The following PALM2AKAP2 variants were observed in gnomAD, a reference collection of about 807,000 sequenced individuals.
The protein encoded by PALM2AKAP2 is PALM2-AKAP2 fusion protein.
PALM2AKAP2 carries 37 observed loss-of-function variants against 71.5 expected under a neutral mutation model. The ratio of observed to expected loss-of-function variants is 0.52; its 90% CI spans 0.40 to 0.68. The LOEUF (loss-of-function observed/expected upper bound fraction) is 0.68, where lower values mean the gene tolerates loss of function less well. Among genes scored for constraint, PALM2AKAP2 ranks in the 30% least tolerant of loss-of-function variants. The probability of loss-of-function intolerance (pLI) is 0.00; values close to 1 mark genes in which losing one functional copy is unlikely to be tolerated. For synonymous variants in PALM2AKAP2, 468 were observed against 478.8 expected, an observed-to-expected ratio of 0.98 and a Z score of 0.29; for missense variants, 1,224 against 1,191.8, an observed-to-expected ratio of 1.03 and a Z score of -0.40.
chr9:109,880,814 A>G, intron 3 of PALM2AKAP2, 133 bp downstream of exon 3: 5 of 1,329,552 alleles, frequency 3.8e-6, no homozygotes, highest in Non-Finnish European at 4.9e-6. Context: ...AACAAAGCAC[A>G]TTGATGTTGT....
rs76448414 is a variant in PALM2AKAP2, at chr9:109,757,779, T to C, written c.6-22709T>C. Reference sequence around the variant, plus strand: ...GGTTCACCAAAAATGTATAGGCTTGTCTATGGTCATAAGACTTAGTGATAG... The same window carrying C: ...GGTTCACCAAAAATGTATAGGCTTGCCTATGGTCATAAGACTTAGTGATAG... On this transcript the variant is annotated intron_variant, in intron 1 of 6. Coordinates refer to the PALM2AKAP2 transcript ENST00000374531. Among the ~76,000 whole-genome samples the C allele has an allele frequency of 4.1e-3, 628 of 152,188 alleles. 4 individuals are homozygous for C. The highest frequency in any genetic ancestry group is 0.014 in the African/African-American group (597 of 41,540).
At chr9:109,992,952 T>TAGAGAG (rs572808154) in intron 6 of PALM2AKAP2, among the ~76,000 whole-genome samples, 8 of 144,488 alleles carry the variant, frequency 5.5e-5, no homozygotes, top group Non-Finnish European at 7.6e-5. Context: ...TATATATATA[T>TAGAGAG]ATAGAGAGAG....
chr9:109,725,624 A>G (rs150839074), intron 1 of PALM2AKAP2, among the ~76,000 whole-genome samples: 3 of 152,340 alleles, frequency 2.0e-5, no homozygotes, highest in African/African-American at 7.2e-5. Context: ...AGTATGATAT[A>G]TTTGTACGCT....
chr9:110,086,272 G>T (rs777177788), intron 1 of PALM2AKAP2, among the ~76,000 whole-genome samples: 2 of 152,192 alleles, frequency 1.3e-5, no homozygotes, highest in East Asian at 3.9e-4. Context: ...AGGTAAAAAT[G>T]GATTAAAATA....
chr9:110,125,907 G>A (rs1257779751), intron 1 of PALM2AKAP2, among the ~76,000 whole-genome samples: 3 of 152,114 alleles, frequency 2.0e-5, no homozygotes, highest in Non-Finnish European at 2.9e-5. Context: ...TTTGAAGATG[G>A]TGCAAGTGTG....
chr9:109,660,317 G>C (rs1161407499), intron 1 of PALM2AKAP2, among the ~76,000 whole-genome samples: 1 of 152,070 alleles, frequency 6.6e-6, no homozygotes, highest in South Asian at 2.1e-4. Context: ...ATTTACATTA[G>C]GTATTTCTCC....
intron 6 of PALM2AKAP2, among the ~76,000 whole-genome samples, chr9:110,014,800 AAAAATGTATATATAT>A (rs1375547101): frequency 0.015 from 761 of 51,634 alleles, 67 homozygotes; most frequent in African/African-American, 0.052. Context: ...AAAAAAAAAA[AAAAATGTATATATAT>A]ATATATATAT....
At chr9:109,650,306 G>A (rs534209905) in intron 1 of PALM2AKAP2, among the ~76,000 whole-genome samples, 58 of 151,872 alleles carry the variant, frequency 3.8e-4, no homozygotes, top group Non-Finnish European at 4.4e-5. Flanking sequence ...ACCTTTTAGG[G>A]TTGTCCACTG....
At chr9:109,832,345 G>A (rs183004777) in intron 1 of PALM2AKAP2, among the ~76,000 whole-genome samples, 1 of 152,284 alleles carries the variant, frequency 6.6e-6, no homozygotes, top group Admixed American at 6.5e-5. Flanking sequence ...CTGTAAAATG[G>A]CAATGACAAT....
chr9:109,973,217 G>A (rs1332270300), intron 6 of PALM2AKAP2, among the ~76,000 whole-genome samples: 2 of 152,198 alleles, frequency 1.3e-5, no homozygotes, highest in East Asian at 3.8e-4. Context: ...CAGTTGATCT[G>A]GTAGAAACTT....
At chr9:109,937,114 G>C (rs1350032712) in intron 6 of PALM2AKAP2, among the ~76,000 whole-genome samples, 1 of 152,188 alleles carries the variant, frequency 6.6e-6, no homozygotes, top group East Asian at 1.9e-4. Context: ...AAAGGTGAAG[G>C]CAACAGGCAA....
intron 6 of PALM2AKAP2, among the ~76,000 whole-genome samples, chr9:109,960,577 AG>A (rs1202840445): frequency 6.6e-6 from 1 of 152,206 alleles, no homozygotes; most frequent in African/African-American, 2.4e-5. Context: ...CAGGAATTTA[AG>A]TCTAGTCTGC....
chr9:110,115,752 G>C (rs1020784443), intron 1 of PALM2AKAP2, among the ~76,000 whole-genome samples: 1 of 51,692 alleles, frequency 1.9e-5, no homozygotes, highest in Non-Finnish European at 3.7e-5. Context: ...ATCCACGATC[G>C]TGGGGGTGGT....
intron 1 of PALM2AKAP2, among the ~76,000 whole-genome samples, chr9:109,692,477 T>C (rs1453794306): frequency 1.3e-5 from 2 of 152,038 alleles, no homozygotes; most frequent in Non-Finnish European, 2.9e-5. Flanking sequence ...ATTAAAATGG[T>C]GAATGGCAGT....
At chr9:109,674,193 C>T (rs930928948) in intron 1 of PALM2AKAP2, among the ~76,000 whole-genome samples, 1 of 151,816 alleles carries the variant, frequency 6.6e-6, no homozygotes, top group Non-Finnish European at 1.5e-5. Context: ...TGTTAGATTT[C>T]ATATCTTTCC....
upstream of PALM2AKAP2, among the ~76,000 whole-genome samples, chr9:110,043,716 GTTTTT>G (rs61128628): frequency 0.076 from 6,950 of 91,414 alleles, 133 homozygotes; most frequent in Middle Eastern, 0.21. Context: ...TTTTTTTGGT[GTTTTT>G]TTTTTTTTTT....
chr9:109,859,449 A>C (rs1829254083), intron 1 of PALM2AKAP2, among the ~76,000 whole-genome samples: 1 of 152,236 alleles, frequency 6.6e-6, no homozygotes, highest in African/African-American at 2.4e-5. Flanking sequence ...CAACACAAAG[A>C]AATGATAAAT....
chr9:109,672,589 A>G (rs369864773), intron 1 of PALM2AKAP2, among the ~76,000 whole-genome samples: 26 of 151,636 alleles, frequency 1.7e-4, no homozygotes, highest in East Asian at 1.4e-3. Context: ...ATCTCTGTCA[A>G]ATTTTGGTAT....
intron 1 of PALM2AKAP2, among the ~76,000 whole-genome samples, chr9:109,745,510 G>GTGTGTT (rs1828786415): frequency 6.6e-6 from 1 of 151,952 alleles, no homozygotes; most frequent in African/African-American, 2.4e-5. Flanking sequence ...GTGTGTGTGT[G>GTGTGTT]TGTGTAGGAA....
Sources: allele counts gnomAD v4.1 joint callset (sites outside exome capture counted in the v4.1 genomes callset), GRCh38; gene constraint gnomAD v4.1.1; transcripts MANE v1.5; gene names NCBI Gene and HGNC (gene_info 2026-07-23, HGNC 2026-07-21).